Variants in KANK1 observed in about 807,000 individuals in gnomAD.
KANK1 encodes KN motif and ankyrin repeat domain-containing protein 1.
In KANK1, 109 loss-of-function variants were observed where a neutral mutation model predicts 106.2. That is an observed-to-expected ratio of 1.03 (90% CI 0.88 to 1.20). The LOEUF (loss-of-function observed/expected upper bound fraction) is 1.20. KANK1 is among the 50% of genes most tolerant of loss of function. The pLI, the probability that KANK1 is intolerant of heterozygous loss-of-function variation, is 0.00. For missense variants in KANK1, 2,399 were observed against 1,710.7 expected (o/e 1.40, Z -7.10); for synonymous variants, 873 against 652.2 (o/e 1.34, Z -5.16).
At chr9:685,046 T>C (rs1048867086) in intron 2 of KANK1, among the ~76,000 whole-genome samples, 1 of 152,232 alleles carries the variant, frequency 6.6e-6, no homozygotes, top group Non-Finnish European at 1.5e-5. Context: ...CTCTTTTCTT[T>C]TTCCTTCCTT....
At chr9:576,898 G>C (rs1364330694) in intron 1 of KANK1, among the ~76,000 whole-genome samples, 1 of 152,028 alleles carries the variant, frequency 6.6e-6, no homozygotes, top group Non-Finnish European at 1.5e-5. Context: ...GTGGTTTCTT[G>C]GTCTCACTGA....
chr9:557,415 T>C (rs2061664789), intron 1 of KANK1, among the ~76,000 whole-genome samples: 2 of 152,184 alleles, frequency 1.3e-5, no homozygotes, highest in Admixed American at 1.3e-4. Context: ...TTTGAAGTTT[T>C]TCATGATAGA....
chr9:558,497 A>G (rs1275061709), intron 1 of KANK1, among the ~76,000 whole-genome samples: 1 of 152,210 alleles, frequency 6.6e-6, no homozygotes, highest in Non-Finnish European at 1.5e-5. Flanking sequence ...TGTTTAATAT[A>G]CATTGTTGAT....
chr9:595,945 C>T lies in KANK1; in HGVS notation c.-83-80945C>T, dbSNP rs192050199. Among the ~76,000 whole-genome samples the T allele has an allele frequency of 8.6e-5, 13 of 151,954 alleles. 1 individual carries two copies. The highest frequency in any genetic ancestry group is 7.2e-4 in the Admixed American group (11 of 15,278). ...CAAACGCTTGGGACTAGAAGTATTT[C>T]GGACTTTGGACTTTTTTGAATTTGG... On this transcript the variant is annotated intron_variant, in intron 1 of 11. Transcript: ENST00000382297.
chr9:687,214 G>A (rs1818783064), intron 2 of KANK1, among the ~76,000 whole-genome samples: 1 of 152,066 alleles, frequency 6.6e-6, no homozygotes, highest in Non-Finnish European at 1.5e-5. Context: ...CCTTCTTTGT[G>A]TAATGGACCA....
chr9:581,093 G>C (rs1822007458), intron 1 of KANK1, among the ~76,000 whole-genome samples: 1 of 151,986 alleles, frequency 6.6e-6, no homozygotes, highest in South Asian at 2.1e-4. Flanking sequence ...AGAACTCCTG[G>C]CCTACCCAGA....
At chr9:612,933 G>T (rs997837597) in intron 1 of KANK1, among the ~76,000 whole-genome samples, 1 of 152,160 alleles carries the variant, frequency 6.6e-6, no homozygotes, top group South Asian at 2.1e-4. Context: ...GTTACATGCA[G>T]AGGATCCCAA....
chr9:553,079 G>A (rs2061376032), intron 1 of KANK1, among the ~76,000 whole-genome samples: 1 of 152,148 alleles, frequency 6.6e-6, no homozygotes, highest in African/African-American at 2.4e-5. Flanking sequence ...CTAGGAGGTT[G>A]AGGCTGCAGT....
chr9:661,135 C>A (rs10975623), intron 1 of KANK1, among the ~76,000 whole-genome samples: 1 of 151,564 alleles, frequency 6.6e-6, no homozygotes, highest in Non-Finnish European at 1.5e-5. Flanking sequence ...ATTTAAACCC[C>A]TTTTTTAAAT....
At chr9:656,647 C>G (rs979187462) in intron 1 of KANK1, among the ~76,000 whole-genome samples, 2 of 152,132 alleles carry the variant, frequency 1.3e-5, no homozygotes, top group African/African-American at 4.8e-5. Context: ...GAATATTTGC[C>G]TGTCTAGCGT....
At chr9:672,347 G>C (rs1001149674) in intron 1 of KANK1, among the ~76,000 whole-genome samples, 2 of 152,194 alleles carry the variant, frequency 1.3e-5, no homozygotes, top group African/African-American at 4.8e-5. Context: ...AATTGCATCA[G>C]TGGTAAGGTA....
intron 1 of KANK1, among the ~76,000 whole-genome samples, chr9:553,563 G>A (rs1215788480): frequency 6.6e-6 from 1 of 152,164 alleles, no homozygotes; most frequent in African/African-American, 2.4e-5. Flanking sequence ...ATTATCAGAA[G>A]TCACCTCAAA....
At chr9:525,350 C>CGTGTGTGTGTGTGTGTGTGT (rs35296364) in intron 1 of KANK1, among the ~76,000 whole-genome samples, 21 of 140,558 alleles carry the variant, frequency 1.5e-4, no homozygotes, top group African/African-American at 4.1e-4. Context: ...TGTATACATA[C>CGTGTGTGTGTGTGTGTGTGT]GTGTGTGTGT....
intron 1 of KANK1, among the ~76,000 whole-genome samples, chr9:637,505 A>C (rs1837426945): frequency 6.6e-6 from 1 of 152,152 alleles, no homozygotes; most frequent in Admixed American, 6.5e-5. Flanking sequence ...ACTTAACTCA[A>C]GTACGTATTG....
intron 3 of KANK1, among the ~76,000 whole-genome samples, chr9:713,866 T>C (rs1826930483): frequency 6.6e-6 from 1 of 152,222 alleles, no homozygotes; most frequent in African/African-American, 2.4e-5. Context: ...GCAATTGAAA[T>C]ACTGGCATAA....
intron 2 of KANK1, among the ~76,000 whole-genome samples, chr9:704,847 C>T (rs1823600925): frequency 6.6e-6 from 1 of 151,464 alleles, no homozygotes; most frequent in Non-Finnish European, 1.5e-5. Flanking sequence ...TTAAAATTAG[C>T]CAGGCGTGGT....
intron 1 of KANK1, among the ~76,000 whole-genome samples, chr9:597,148 C>T (rs1826420565): frequency 6.6e-6 from 1 of 151,632 alleles, no homozygotes; most frequent in Non-Finnish European, 1.5e-5. Flanking sequence ...TGATTTTTTC[C>T]CCACCTTTTA....
At position 724,134 on chromosome 9, in the gene KANK1, G is replaced by C. The variant is rs189553022; in HGVS notation, c.2699-5917G>C. Among the ~76,000 whole-genome samples the C allele has an allele frequency of 3.0e-3, 460 of 152,104 alleles. 1 individual carries two copies. Among genetic ancestry groups the C allele is most frequent in the African/African-American group, 0.01 (434 of 41,484 alleles). ...AGACTATTGGAGAAATTTGAATACT[G>C]ACTGGATTATGTGATAATCATACTT... On this transcript the variant is annotated intron_variant, in intron 3 of 11. Coordinates refer to ENST00000382297, the MANE Select transcript of KANK1 (RefSeq NM_015158.5).
At chr9:498,948 A>C (rs945090667) in intron 3 of KANK1, among the ~76,000 whole-genome samples, 1 of 152,132 alleles carries the variant, frequency 6.6e-6, no homozygotes, top group East Asian at 1.9e-4. Context: ...GAGGCCGAGG[A>C]GGGTGGATCA....
Sources: gnomAD v4.1 joint callset for allele counts (sites outside exome capture counted in the v4.1 genomes callset) on GRCh38, gnomAD v4.1.1 for gene constraint, MANE v1.5 for transcripts, NCBI Gene and HGNC (gene_info 2026-07-23, HGNC 2026-07-21) for gene names.